WNK3: variants seen among roughly 807,000 people sequenced by gnomAD.
WNK3 encodes serine/threonine-protein kinase WNK3.
Under a neutral mutation model 116.7 loss-of-function variants are expected in WNK3, and 18 were observed. That is an observed-to-expected ratio of 0.15 (90% CI 0.11 to 0.23). The LOEUF is 0.23. WNK3 is among the 10% of genes least tolerant of loss of function. WNK3 has a pLI of 1.00. For synonymous variants in WNK3, 404 were observed against 469.4 expected (o/e 0.86, Z 1.80); for missense variants, 993 against 1,323.8 (o/e 0.75, Z 3.88).
At chrX:54,228,899 G>C (rs908352541) in intron 21 of WNK3, among the ~76,000 whole-genome samples, 156 bp from the exon 22 acceptor site, 1 of 111,515 alleles carries the variant, frequency 9.0e-6, no homozygotes, top group Non-Finnish European at 1.9e-5. Flanking sequence ...AAGACAGAAG[G>C]CTTTCTCCTT....
At chrX:54,196,210 C>G (rs1339735093) in exon 24 of WNK3, 1 of 110,614 alleles carries the variant, frequency 9.0e-6, no homozygotes, top group Non-Finnish European at 1.9e-5. Flanking sequence ...AACTGCAAAC[C>G]AATACTGTAC....
chrX:54,213,426 C>T (rs1190670847), intron 22 of WNK3, among the ~76,000 whole-genome samples: 2 of 106,857 alleles, frequency 1.9e-5, no homozygotes, highest in African/African-American at 6.9e-5. Context: ...AAGTGGTGGG[C>T]GCCTGTAATC....
At chrX:54,251,610 C>T (rs781952605) in exon 14 of WNK3, 5 of 1,209,126 alleles carry the variant, frequency 4.1e-6, no homozygotes, top group Non-Finnish European at 2.2e-6. Flanking sequence ...GAAGGATCTC[C>T]TGGGCTTGAC....
chrX:54,275,582 C>A (rs2068437819), intron 10 of WNK3, among the ~76,000 whole-genome samples: 1 of 107,651 alleles, frequency 9.3e-6, no homozygotes, highest in South Asian at 4.1e-4. Flanking sequence ...AAGAAGGAAT[C>A]CTAAAAAATT....
intron 1 of WNK3, among the ~76,000 whole-genome samples, chrX:54,345,617 C>T (rs1347690240): frequency 9.2e-6 from 1 of 109,232 alleles, no homozygotes; most frequent in Non-Finnish European, 1.9e-5. Flanking sequence ...CCCATCTCTA[C>T]TAAAAATACA....
intron 7 of WNK3, among the ~76,000 whole-genome samples, chrX:54,296,036 A>T (rs1244891026): frequency 8.9e-6 from 1 of 112,010 alleles, no homozygotes; most frequent in Non-Finnish European, 1.9e-5. Flanking sequence ...AGGAACGTGC[A>T]CACTATTGAG....
intron 1 of WNK3, among the ~76,000 whole-genome samples, chrX:54,354,085 CAA>C (rs369686953): frequency 4.3e-5 from 3 of 69,311 alleles, no homozygotes; most frequent in Non-Finnish European, 2.9e-5. Context: ...AACTCTGTCT[CAA>C]AAAAAAAAAA....
chrX:54,295,350 A>T (rs1290637588), intron 7 of WNK3, among the ~76,000 whole-genome samples: 1 of 111,510 alleles, frequency 9.0e-6, no homozygotes, highest in Non-Finnish European at 1.9e-5. Flanking sequence ...ATTACCAAGC[A>T]TTGTTAAAAT....
intron 2 of WNK3, among the ~76,000 whole-genome samples, chrX:54,326,667 TA>T (rs1356587077): frequency 1.9e-5 from 2 of 107,973 alleles, no homozygotes; most frequent in South Asian, 4.0e-4. Flanking sequence ...ACCCTGCCTC[TA>T]AAAAAAAATA....
At chrX:54,349,617 G>A (rs782667845) in intron 1 of WNK3, among the ~76,000 whole-genome samples, 2 of 112,053 alleles carry the variant, frequency 1.8e-5, no homozygotes, top group African/African-American at 6.5e-5. Context: ...AAACTGACAA[G>A]CTGATCCTCT....
chrX:54,284,241 G>T (rs2147079740), intron 10 of WNK3, among the ~76,000 whole-genome samples: 1 of 111,658 alleles, frequency 9.0e-6, no homozygotes, highest in East Asian at 2.8e-4. Context: ...ATGGGTAAAT[G>T]ACTTGAACAG....
chrX:54,301,463 T>G (rs2068758020), intron 6 of WNK3, among the ~76,000 whole-genome samples: 1 of 110,726 alleles, frequency 9.0e-6, no homozygotes, highest in South Asian at 3.8e-4. Flanking sequence ...CACTCTCAAC[T>G]GTTAGAAGCA....
rs112327643 is a variant in WNK3 at position 54,237,623 on chromosome X, T to C, written c.4015-72A>G. Reference sequence around the variant, plus strand: ...GATGCTCTGCTGTGATGTATATGTATTGATACTAGCAAAACTTAAAAATTT... The same window carrying C: ...GATGCTCTGCTGTGATGTATATGTACTGATACTAGCAAAACTTAAAAATTT... On this transcript the variant is annotated intron_variant, in intron 19 of 23. Transcript: ENST00000354646. The C allele has an allele frequency of 2.3e-3, 2,318 of 1,025,673 alleles. 28 individuals carry two copies. In the African/African-American group the frequency reaches 0.039, roughly 17 times the overall value. 84.5% of individuals were successfully genotyped at this position (1,025,673 alleles called of 1,213,427 possible).
intron 10 of WNK3, among the ~76,000 whole-genome samples, chrX:54,288,606 G>A (rs2068605467): frequency 9.0e-6 from 1 of 111,396 alleles, no homozygotes; most frequent in Non-Finnish European, 1.9e-5. Context: ...CATCTGCTCA[G>A]GGTTTTGAAG....
intron 1 of WNK3, among the ~76,000 whole-genome samples, chrX:54,337,557 CAAATAAATAAAT>C (rs56172743): frequency 4.1e-5 from 3 of 73,883 alleles, no homozygotes; most frequent in South Asian, 8.2e-4. Flanking sequence ...AGACTAGTCT[CAAATAAATAAAT>C]AAATAAATAA....
chrX:54,283,264 C>A (rs976449326), intron 10 of WNK3, among the ~76,000 whole-genome samples: 3 of 110,379 alleles, frequency 2.7e-5, no homozygotes, highest in Non-Finnish European at 3.8e-5. Flanking sequence ...GGCTATATGG[C>A]GAGACCTCAT....
At chrX:54,325,981 CCTCA>C (rs782611947) in intron 2 of WNK3, among the ~76,000 whole-genome samples, 23 of 111,086 alleles carry the variant, frequency 2.1e-4, no homozygotes, top group African/African-American at 6.8e-4. Context: ...GACTTATAGC[CCTCA>C]CTCACAGTAA....
chrX:54,348,761 G>T (rs1482391923), intron 1 of WNK3, among the ~76,000 whole-genome samples: 2 of 111,114 alleles, frequency 1.8e-5, no homozygotes, highest in African/African-American at 6.5e-5. Flanking sequence ...ACACATGAGG[G>T]CAAGTATCTT....
At chrX:54,250,771 C>T (rs1021682246) in intron 15 of WNK3, among the ~76,000 whole-genome samples, 8 of 110,964 alleles carry the variant, frequency 7.2e-5, no homozygotes, top group African/African-American at 2.0e-4. Context: ...TGCTTCTTTA[C>T]GTTCCTGTAA....
Sources: allele counts gnomAD v4.1 joint callset (sites outside exome capture counted in the v4.1 genomes callset), GRCh38; gene constraint gnomAD v4.1.1; transcripts MANE v1.5; gene names NCBI Gene and HGNC (gene_info 2026-07-23, HGNC 2026-07-21).